Variants in CTDNEP1 observed in about 807,000 individuals in gnomAD.
CTDNEP1 encodes C-terminal domain nuclear envelope phosphatase 1.
Under a neutral mutation model 30.1 loss-of-function variants are expected in CTDNEP1, and 3 were observed. That is an observed-to-expected ratio of 0.10 (90% CI 0.05 to 0.26). CTDNEP1 has a LOEUF of 0.26. CTDNEP1 is among the 10% of genes least tolerant of loss of function. The pLI is 1.00. For synonymous variants in CTDNEP1, 123 were observed against 118.8 expected (o/e 1.04, Z -0.23); for missense variants, 158 against 310.4 (o/e 0.51, Z 3.69).
Position 7,246,385 on chromosome 17 carries a change from G to A in CTDNEP1, c.361-15C>T. On this transcript the variant is annotated splice_polypyrimidine_tract_variant and intron_variant, in intron 4 of 7. Coordinates refer to ENST00000574322, the MANE Select transcript of CTDNEP1 (RefSeq NM_001143775.2). The surrounding 1 kb of genome is among the most constrained non-coding windows in gnomAD (Gnocchi z 4.9). ...CACTGGCTCACCTGAAATAGATTGG[G>A]GGAGAGGGCGATGCCATACAAGGTG... is the stretch of plus-strand genomic sequence containing the variant. 1.9e-6 allele frequency: 3 copies of A among 1,569,990 alleles called. No individual in the cohort carries two copies. Among genetic ancestry groups the A allele is most frequent in the Non-Finnish European group, 2.6e-6 (3 of 1,141,142 alleles).
At position 7,246,266 on chromosome 17, in the gene CTDNEP1, T is replaced by C. The variant is rs1302350505; in HGVS notation, c.465A>G (p.Arg155=). The change falls in exon 5 of 8, where the codon AGA becomes AGG. Residue 155 remains arginine, a synonymous_variant. Transcript: ENST00000574322. This position sits in a 1 kb window ranked among gnomAD's most constrained non-coding sequence, Gnocchi z 4.9. ...LDNSRSILKR[R]YYRQHCTLEL... ...GATTCTAGCTTACCTGTCTGTAATA[T>C]CTCCTCTTAAGAATGCTTCTGCTAT... 1 of 1,611,652 alleles carries C rather than the reference T, an allele frequency of 6.2e-7. No homozygotes were observed. Among genetic ancestry groups the C allele is most frequent in the Non-Finnish European group, 8.5e-7 (1 of 1,177,926 alleles).
chr17:7,245,997 C>T (rs1290496013), intron 6 of CTDNEP1, 29 bp downstream of exon 6: 2 of 1,471,306 alleles, frequency 1.4e-6, no homozygotes, highest in Non-Finnish European at 1.9e-6. Flanking sequence ...ATGTTCTGGT[C>T]CTGCCAGACT....
intron 1 of CTDNEP1, 146 bp downstream of exon 1, chr17:7,251,049 A>G: frequency 5.2e-6 from 3 of 572,406 alleles, no homozygotes; most frequent in Non-Finnish European, 9.1e-6. Context: ...AGGGTGCCCA[A>G]TTCTCTGGCG....
Position 7,248,463 on chromosome 17 carries a change from A to C in CTDNEP1, c.103-1120T>G, listed in dbSNP as rs531153490. The stretch of plus-strand genomic sequence containing the variant: ...CAACCTCCACCTCCCAGGTTCAAGC[A>C]ATTCTCCTGCCTCAGCCTCCTAAGC... On this transcript the variant is annotated intron_variant, in intron 1 of 7. Transcript: ENST00000574322. Among the ~76,000 whole-genome samples the C allele has an allele frequency of 9.3e-4, 138 of 148,496 alleles. 1 individual carries two copies. The highest frequency in any genetic ancestry group is 1.0e-3 in the East Asian group (5 of 4,878).
Position 7,246,780 on chromosome 17 carries a change from C to A in CTDNEP1, c.360+11G>T. ...TCATTACAGAGCTCCCTTTAGCTCTCCAAAACTCACCACTTCCAGGAAGAA... is the reference window on the plus strand; with the variant it reads ...TCATTACAGAGCTCCCTTTAGCTCTACAAAACTCACCACTTCCAGGAAGAA... On this transcript the variant is annotated intron_variant, in intron 4 of 7. Transcript: ENST00000574322. This position sits in a 1 kb window ranked among gnomAD's most constrained non-coding sequence, Gnocchi z 4.9. 1 of 1,611,820 alleles carries A rather than the reference C, an allele frequency of 6.2e-7. No individual in the cohort carries two copies. The highest frequency in any genetic ancestry group is 8.5e-7 in the Non-Finnish European group (1 of 1,177,926).
At chr17:7,248,541 T>C (rs2071874278) in intron 1 of CTDNEP1, among the ~76,000 whole-genome samples, 1 of 151,656 alleles carries the variant, frequency 6.6e-6, no homozygotes, top group Non-Finnish European at 1.5e-5. Context: ...GTATTTTTAG[T>C]AGAGACGGGG....
rs562519076 is a variant in CTDNEP1 at position 7,243,681 on chromosome 17, G to A, written c.*504C>T. 1 of 159,304 alleles carries A rather than the reference G, an allele frequency of 6.3e-6. No individual in the cohort carries two copies. The highest frequency in any genetic ancestry group is 2.4e-5 in the African/African-American group (1 of 41,510). 9.9% of individuals were successfully genotyped at this position (159,304 alleles called of 1,614,324 possible). Reference sequence around the variant, plus strand: ...ACAGGTCTGAGGGAGTCTAAGGAGAGAAAAATAGAGGGAGAGTAAAGGGGG... The same window carrying A: ...ACAGGTCTGAGGGAGTCTAAGGAGAAAAAAATAGAGGGAGAGTAAAGGGGG... On this transcript the variant is annotated 3_prime_UTR_variant, in exon 8 of 8. Transcript: ENST00000574322.
chr17:7,251,109 C>T (rs2071913998), intron 1 of CTDNEP1, 86 bp downstream of exon 1: 4 of 915,678 alleles, frequency 4.4e-6, no homozygotes, highest in South Asian at 1.9e-5. Flanking sequence ...AGAGGCCCGA[C>T]ACTCCGAAAA....
At chr17:7,247,443 G>T in intron 1 of CTDNEP1, 100 bp from the exon 2 acceptor site, 6 of 830,846 alleles carry the variant, frequency 7.2e-6, no homozygotes, top group South Asian at 1.5e-5. Flanking sequence ...CAGGTACTAT[G>T]TATGTAATTT....
At position 7,251,355 on chromosome 17, in the gene CTDNEP1, C is replaced by A; in HGVS notation, c.-59G>T. The A allele has an allele frequency of 2.5e-6, 3 of 1,198,690 alleles. No individual in the cohort carries two copies. Among genetic ancestry groups the A allele is most frequent in the Non-Finnish European group, 3.3e-6 (3 of 913,710 alleles). The allele number at this position is 1,198,690 out of a possible 1,614,324, so 74.3% of individuals were successfully genotyped here. A position where few individuals can be genotyped will look rare whatever the true frequency, so the allele number is the denominator to read the frequency against. On this transcript the variant is annotated 5_prime_UTR_variant, in exon 1 of 8. Coordinates refer to ENST00000574322, the MANE Select transcript of CTDNEP1 (RefSeq NM_001143775.2). ...CCCGCGGCCCAGCTCCGCCAGCCCC[C>A]CGGGGGCAGCCCCCCGCCGCCGGGA...
At position 7,243,802 on chromosome 17, in the gene CTDNEP1, C is replaced by G; in HGVS notation, c.*383G>C. ...AGTGAAGAATTAGATCAGTTTTGTA[C>G]AAGAGTTTTTTAAAAAAAATCAAAT... On this transcript the variant is annotated 3_prime_UTR_variant, in exon 8 of 8. Transcript: ENST00000574322. 2.7e-6 allele frequency: 1 copy of G among 371,932 alleles called. No homozygotes were observed. The allele number at this position is 371,932 out of a possible 1,614,324, so 23.0% of individuals were successfully genotyped here. A position where few individuals can be genotyped will look rare whatever the true frequency, so the allele number is the denominator to read the frequency against.
At chr17:7,247,759 G>C (rs1233101357) in intron 1 of CTDNEP1, among the ~76,000 whole-genome samples, 2 of 151,650 alleles carry the variant, frequency 1.3e-5, no homozygotes, top group Non-Finnish European at 2.9e-5. Flanking sequence ...GAGCCACTAC[G>C]CTGGCCTTTT....
At chr17:7,244,834 T>TAAG in intron 6 of CTDNEP1, 199 bp from the exon 7 acceptor site, 2 of 524,816 alleles carry the variant, frequency 3.8e-6, no homozygotes, top group Non-Finnish European at 6.7e-6. Context: ...TTGATGCTTC[T>TAAG]AGTCAAGCTT....
At chr17:7,244,656 G>A (rs1361713354) in intron 6 of CTDNEP1, 21 bp from the exon 7 acceptor site, 1 of 1,535,382 alleles carries the variant, frequency 6.5e-7, no homozygotes, top group East Asian at 2.3e-5. Context: ...TGAAAATGCA[G>A]ATGAGAAGAA....
chr17:7,246,096 A>G lies in CTDNEP1; in HGVS notation c.519T>C (p.Ser173=). 1 of 1,614,070 alleles carries G rather than the reference A, an allele frequency of 6.2e-7. No homozygotes were observed. Among genetic ancestry groups the G allele is most frequent in the South Asian group, 1.1e-5 (1 of 91,070 alleles). ...TGCTGGAGAGGTCACTGTGGACCAC[A>G]GAGAGGTCCTTGATGTAGCTGCCCA... ...LELGSYIKDL[S]VVHSDLSSIV... The change falls in exon 6 of 8, where the codon TCT becomes TCC. Residue 173 remains serine (S), a synonymous_variant. Transcript: ENST00000574322. The surrounding 1 kb of genome is among the most constrained non-coding windows in gnomAD (Gnocchi z 4.9).
chr17:7,246,381 T>C lies in CTDNEP1; in HGVS notation c.361-11A>G. On this transcript the variant is annotated splice_polypyrimidine_tract_variant and intron_variant, in intron 4 of 7. Transcript: ENST00000574322. The surrounding 1 kb of genome is among the most constrained non-coding windows in gnomAD (Gnocchi z 4.9). ...GTACCACTGGCTCACCTGAAATAGA[T>C]TGGGGGAGAGGGCGATGCCATACAA... The C allele has an allele frequency of 6.3e-7, 1 of 1,593,080 alleles. No homozygotes were observed. The highest frequency in any genetic ancestry group is 8.6e-7 in the Non-Finnish European group (1 of 1,161,870).
At chr17:7,250,360 G>C (rs763608134) in intron 1 of CTDNEP1, among the ~76,000 whole-genome samples, 4 of 152,140 alleles carry the variant, frequency 2.6e-5, no homozygotes, top group Admixed American at 1.3e-4. Flanking sequence ...TTAGCTGAAG[G>C]ACCTCTGACC....
At chr17:7,245,501 A>G (rs551634540) in intron 6 of CTDNEP1, among the ~76,000 whole-genome samples, 1 of 151,318 alleles carries the variant, frequency 6.6e-6, no homozygotes, top group South Asian at 2.1e-4. Flanking sequence ...TTATTTATTT[A>G]TTATTTATTT....
At chr17:7,245,023 T>C (rs2071817870) in intron 6 of CTDNEP1, among the ~76,000 whole-genome samples, 2 of 152,176 alleles carry the variant, frequency 1.3e-5, no homozygotes, top group Admixed American at 1.3e-4. Context: ...CCAAGGGCAG[T>C]GGCTTACGCC....
Sources: gnomAD v4.1 joint callset for allele counts (sites outside exome capture counted in the v4.1 genomes callset) on GRCh38, gnomAD v4.1.1 for gene constraint, Gnocchi (gnomAD v3.1) non-coding constraint, MANE v1.5 for transcripts, NCBI Gene and HGNC (gene_info 2026-07-23, HGNC 2026-07-21) for gene names.